The following KLHL29 variants were observed in gnomAD, a reference collection of about 807,000 sequenced individuals.
The protein encoded by KLHL29 is kelch-like protein 29.
Under a neutral mutation model 80.4 loss-of-function variants are expected in KLHL29, and 21 were observed. The ratio of observed to expected loss-of-function variants is 0.26; its 90% confidence interval spans 0.19 to 0.38. KLHL29 has a LOEUF of 0.38. KLHL29 is among the 10% of genes least tolerant of loss of function. KLHL29 has a pLI of 1.00. For missense variants in KLHL29, 867 were observed against 1,223.9 expected (o/e 0.71, Z 4.35); for synonymous variants, 511 against 526.8 (o/e 0.97, Z 0.41).
chr2:23,519,619 A>C (rs1666035314), intron 2 of KLHL29, among the ~76,000 whole-genome samples: 1 of 152,078 alleles, frequency 6.6e-6, no homozygotes, highest in African/African-American at 2.4e-5. Context: ...TAGAAAGTTT[A>C]TTTTGCCAAG....
chr2:23,548,397 G>A (rs1036521836), intron 2 of KLHL29, among the ~76,000 whole-genome samples: 6 of 151,710 alleles, frequency 4.0e-5, no homozygotes, highest in Non-Finnish European at 7.4e-5. Context: ...ACACATGCAC[G>A]CACCCTCTTC....
At position 23,431,015 on chromosome 2, in the gene KLHL29, G is replaced by A. The variant is rs116094027; in HGVS notation, c.-153-44545G>A. Among the ~76,000 whole-genome samples, 1,270 of 152,288 alleles carry A rather than the reference G, an allele frequency of 8.3e-3. 16 individuals carry two copies. Among genetic ancestry groups the A allele is most frequent in the African/African-American group, 0.026 (1,092 of 41,554 alleles). On this transcript the variant is annotated intron_variant, in intron 1 of 13. Coordinates refer to ENST00000486442, the MANE Select transcript of KLHL29 (RefSeq NM_052920.2). ...GAAAGGATGCAGACTTGAAATAGACGGACACAACAGATACTCCTTTCTCCG... is the reference window on the plus strand; with the variant it reads ...GAAAGGATGCAGACTTGAAATAGACAGACACAACAGATACTCCTTTCTCCG...
At chr2:23,675,482 G>A (rs916631931) in intron 5 of KLHL29, among the ~76,000 whole-genome samples, 3 of 152,204 alleles carry the variant, frequency 2.0e-5, no homozygotes, top group Non-Finnish European at 4.4e-5. Context: ...GGCATGAACT[G>A]TCCATGAAAA....
At chr2:23,572,700 C>CTTTTTTTT (rs67663284) in intron 3 of KLHL29, among the ~76,000 whole-genome samples, 1 of 136,870 alleles carries the variant, frequency 7.3e-6, no homozygotes. Flanking sequence ...ACAGTGATTT[C>CTTTTTTTT]TTTTTTTTTT....
intron 1 of KLHL29, among the ~76,000 whole-genome samples, chr2:23,403,002 G>A (rs1429966349): frequency 2.0e-5 from 3 of 149,998 alleles, no homozygotes; most frequent in African/African-American, 2.5e-5. Flanking sequence ...CACTGTAGAC[G>A]TACTATACTA....
chr2:23,412,079 G>A (rs1407888641), intron 1 of KLHL29, among the ~76,000 whole-genome samples: 1 of 149,984 alleles, frequency 6.7e-6, no homozygotes, highest in African/African-American at 2.5e-5. Context: ...TTCCATGCTT[G>A]GAGTATGTCG....
intron 1 of KLHL29, among the ~76,000 whole-genome samples, chr2:23,387,186 G>T (rs572713404): frequency 1.3e-5 from 2 of 152,358 alleles, no homozygotes; most frequent in Middle Eastern, 3.4e-3. Context: ...GGACCAGACC[G>T]TGGAGGACGC....
At chr2:23,454,944 A>G (rs1453503374) in intron 1 of KLHL29, among the ~76,000 whole-genome samples, 2 of 144,922 alleles carry the variant, frequency 1.4e-5, no homozygotes, top group Non-Finnish European at 3.0e-5. Flanking sequence ...TTTCCATTAA[A>G]GAGGGCTAAG....
chr2:23,520,362 G>A (rs1558370204), intron 2 of KLHL29, among the ~76,000 whole-genome samples: 1 of 152,224 alleles, frequency 6.6e-6, no homozygotes, highest in Non-Finnish European at 1.5e-5. Context: ...AGGGCTGGAG[G>A]GAAAGGAGCC....
intron 5 of KLHL29, among the ~76,000 whole-genome samples, chr2:23,675,825 A>C (rs1301935911): frequency 6.6e-6 from 1 of 152,330 alleles, no homozygotes; most frequent in East Asian, 1.9e-4. Context: ...TGACTTTTAC[A>C]TTCTGTCCAT....
chr2:23,468,858 T>C (rs1234971062), intron 1 of KLHL29, among the ~76,000 whole-genome samples: 1 of 152,242 alleles, frequency 6.6e-6, no homozygotes, highest in Non-Finnish European at 1.5e-5. Context: ...ACAGAAGCCC[T>C]GCTCTCTCTG....
At chr2:23,654,703 G>GGGC (rs1553350651) in intron 5 of KLHL29, among the ~76,000 whole-genome samples, 2 of 111,754 alleles carry the variant, frequency 1.8e-5, no homozygotes, top group Non-Finnish European at 4.0e-5. Context: ...GGTTGGGGGG[G>GGGC]GGGGGTGGAT....
intron 2 of KLHL29, among the ~76,000 whole-genome samples, chr2:23,505,898 C>T (rs1311441827): frequency 6.6e-6 from 1 of 152,196 alleles, no homozygotes; most frequent in Non-Finnish European, 1.5e-5. Context: ...TCAGGAGCAA[C>T]CAAAGGGCGT....
intron 1 of KLHL29, among the ~76,000 whole-genome samples, chr2:23,446,931 A>G (rs1243527864): frequency 6.6e-6 from 1 of 152,158 alleles, no homozygotes; most frequent in Non-Finnish European, 1.5e-5. Context: ...GATTTACTGC[A>G]CTCCTCAAAG....
chr2:23,603,265 T>C (rs138146329), intron 3 of KLHL29, among the ~76,000 whole-genome samples: 2 of 152,208 alleles, frequency 1.3e-5, no homozygotes, highest in African/African-American at 4.8e-5. Flanking sequence ...CAGCCAGAGG[T>C]AGGGCCTCAA....
chr2:23,413,863 G>A (rs886360020), intron 1 of KLHL29, among the ~76,000 whole-genome samples: 7 of 152,262 alleles, frequency 4.6e-5, no homozygotes, highest in Middle Eastern at 3.4e-3. Context: ...TGGGAGGCCC[G>A]TGCACCCTGC....
At chr2:23,424,008 ACCCAGCACAG>A (rs1476273156) in intron 1 of KLHL29, among the ~76,000 whole-genome samples, 3 of 151,992 alleles carry the variant, frequency 2.0e-5, no homozygotes, top group Non-Finnish European at 4.4e-5. Flanking sequence ...CACCTGTCAC[ACCCAGCACAG>A]CCCTGAGGTG....
chr2:23,638,373 C>T (rs1214783729), intron 3 of KLHL29, among the ~76,000 whole-genome samples: 2 of 151,992 alleles, frequency 1.3e-5, no homozygotes, highest in African/African-American at 4.8e-5. Flanking sequence ...CTCAGGGAGA[C>T]AAATACTGTC....
At chr2:23,441,808 C>T (rs1663533516) in intron 1 of KLHL29, among the ~76,000 whole-genome samples, 1 of 152,166 alleles carries the variant, frequency 6.6e-6, no homozygotes, top group African/African-American at 2.4e-5. Context: ...TGGTTGGATT[C>T]TGAAATAAAG....
Sources: gnomAD v4.1 joint callset for allele counts (sites outside exome capture counted in the v4.1 genomes callset) on GRCh38, gnomAD v4.1.1 for gene constraint, MANE v1.5 for transcripts, NCBI Gene and HGNC (gene_info 2026-07-23, HGNC 2026-07-21) for gene names.